The following SHB variants were observed in gnomAD, a reference collection of about 807,000 sequenced individuals.
SHB encodes SH2 domain-containing adapter protein B.
A neutral mutation model predicts 52.3 loss-of-function variants in SHB; 20 were observed. The observed-to-expected ratio is 0.38, with a 90% CI of 0.27 to 0.56. The LOEUF is 0.56. SHB is among the 20% of genes least tolerant of loss of function. SHB has a pLI of 0.71. For synonymous variants in SHB, 397 were observed against 316.5 expected, an observed-to-expected ratio of 1.25 and a Z score of -2.70; for missense variants, 825 against 723.3, an observed-to-expected ratio of 1.14 and a Z score of -1.61.
intron 1 of SHB, among the ~76,000 whole-genome samples, chr9:38,053,383 G>A (rs562317251): frequency 2.6e-5 from 4 of 152,148 alleles, no homozygotes; most frequent in African/African-American, 9.6e-5. Context: ...GACTACAGGC[G>A]CTTGCCACCA....
chr9:37,964,096 G>T (rs959775616), intron 3 of SHB, among the ~76,000 whole-genome samples: 9 of 152,176 alleles, frequency 5.9e-5, no homozygotes, highest in African/African-American at 2.2e-4. Context: ...AGGACAAGTG[G>T]CTTAGCAAAT....
chr9:37,984,776 T>C (rs1820783802), intron 2 of SHB, among the ~76,000 whole-genome samples: 1 of 151,540 alleles, frequency 6.6e-6, no homozygotes. Flanking sequence ...AAAAGGGAGG[T>C]GACTTTACCC....
chr9:37,959,199 G>A lies in SHB; in HGVS notation c.1055-3145C>T, dbSNP rs117897017. On this transcript the variant is annotated intron_variant, in intron 3 of 5. Coordinates refer to ENST00000377707, the MANE Select transcript of SHB (RefSeq NM_003028.3). ...CTTGACTACTTGTGGGAGTGAGTCC[G>A]GGATAACTGCTGTGTGATGCCCAGA... is the stretch of plus-strand genomic sequence containing the variant. 5.9e-3 allele frequency among the ~76,000 whole-genome samples: 891 copies of A among 152,230 alleles called. 6 individuals are homozygous for A. The highest frequency in any genetic ancestry group is 9.4e-3 in the Non-Finnish European group (641 of 68,014).
intron 5 of SHB, among the ~76,000 whole-genome samples, chr9:37,924,960 C>T (rs540763699): frequency 2.0e-5 from 3 of 152,232 alleles, no homozygotes; most frequent in East Asian, 1.9e-4. Context: ...CCTCTTTCTG[C>T]CCCAAGATCT....
At chr9:38,059,468 G>A (rs1821864430) in intron 1 of SHB, among the ~76,000 whole-genome samples, 1 of 152,218 alleles carries the variant, frequency 6.6e-6, no homozygotes, top group Non-Finnish European at 1.5e-5. Flanking sequence ...GAATGATTTA[G>A]AGGAAAATTC....
intron 5 of SHB, among the ~76,000 whole-genome samples, chr9:37,934,586 C>T (rs149411702): frequency 0.018 from 2,688 of 152,308 alleles, 30 homozygotes; most frequent in Non-Finnish European, 0.029. Context: ...CAGGCGTGAG[C>T]CACTGTGTAC....
chr9:38,021,502 A>G (rs1821282061), intron 1 of SHB, among the ~76,000 whole-genome samples: 1 of 149,282 alleles, frequency 6.7e-6, no homozygotes, highest in Non-Finnish European at 1.5e-5. Context: ...CTCTGTCTCT[A>G]TTAAAAAATA....
intron 1 of SHB, among the ~76,000 whole-genome samples, chr9:38,033,864 C>G (rs559800285): frequency 8.3e-4 from 127 of 152,266 alleles, no homozygotes; most frequent in Admixed American, 7.7e-3. Flanking sequence ...TGACACCCCC[C>G]CAGCACCACC....
chr9:37,929,938 T>C (rs910935894), intron 5 of SHB, among the ~76,000 whole-genome samples: 14 of 152,024 alleles, frequency 9.2e-5, no homozygotes, highest in African/African-American at 2.9e-4. Flanking sequence ...CTCATCTCTG[T>C]AGAAAATTTA....
At chr9:37,995,648 G>A (rs191205763) in intron 2 of SHB, among the ~76,000 whole-genome samples, 8 of 152,242 alleles carry the variant, frequency 5.3e-5, no homozygotes, top group Admixed American at 2.0e-4. Context: ...TTTCCTCACC[G>A]TCAATGTCAT....
intron 1 of SHB, among the ~76,000 whole-genome samples, chr9:38,060,120 C>T (rs1821874241): frequency 6.6e-6 from 1 of 152,140 alleles, no homozygotes; most frequent in African/African-American, 2.4e-5. Context: ...CAAACAGATG[C>T]TAGATCTGGC....
intron 1 of SHB, among the ~76,000 whole-genome samples, chr9:38,036,191 C>A (rs577474663): frequency 6.0e-4 from 92 of 152,250 alleles, no homozygotes; most frequent in African/African-American, 2.2e-3. Context: ...GGTGAAGACC[C>A]CAGAGAAACA....
intron 2 of SHB, among the ~76,000 whole-genome samples, chr9:37,995,365 G>A (rs754061959): frequency 6.9e-6 from 1 of 144,236 alleles, no homozygotes; most frequent in Non-Finnish European, 1.5e-5. Context: ...CTCTTAGCGC[G>A]AGCCCTCCTC....
At chr9:37,927,344 T>C (rs892551491) in intron 5 of SHB, among the ~76,000 whole-genome samples, 1 of 152,258 alleles carries the variant, frequency 6.6e-6, no homozygotes. Flanking sequence ...CACCAAGTTA[T>C]TGTGAACAAA....
intron 2 of SHB, among the ~76,000 whole-genome samples, chr9:37,981,798 C>A (rs1820727767): frequency 6.6e-6 from 1 of 151,900 alleles, no homozygotes; most frequent in African/African-American, 2.4e-5. Flanking sequence ...AATAGAGAGG[C>A]CCAAGGAGAG....
intron 2 of SHB, among the ~76,000 whole-genome samples, chr9:37,980,071 G>A (rs1820705800): frequency 6.6e-6 from 1 of 152,208 alleles, no homozygotes; most frequent in Non-Finnish European, 1.5e-5. Context: ...CCTGAAGGCT[G>A]AGGTGGCTGT....
chr9:38,042,765 G>T (rs1413035393), intron 1 of SHB, among the ~76,000 whole-genome samples: 1 of 152,176 alleles, frequency 6.6e-6, no homozygotes, highest in Non-Finnish European at 1.5e-5. Flanking sequence ...TTCCTGGGGC[G>T]ACCTGGCCCA....
chr9:38,050,198 C>T (rs1231909184), intron 1 of SHB, among the ~76,000 whole-genome samples: 2 of 152,160 alleles, frequency 1.3e-5, no homozygotes, highest in Non-Finnish European at 2.9e-5. Context: ...CCATCCAACC[C>T]CAGAACCAAT....
intron 2 of SHB, among the ~76,000 whole-genome samples, chr9:37,983,499 G>A (rs1173812288): frequency 6.6e-6 from 1 of 152,190 alleles, no homozygotes; most frequent in African/African-American, 2.4e-5. Flanking sequence ...GGGAGGAGCT[G>A]GGCAGGACAC....
Sources: allele counts gnomAD v4.1 joint callset (sites outside exome capture counted in the v4.1 genomes callset), GRCh38; gene constraint gnomAD v4.1.1; transcripts MANE v1.5; gene names NCBI Gene and HGNC (gene_info 2026-07-23, HGNC 2026-07-21).